Variants in PARD6G observed in about 807,000 individuals in gnomAD.
PARD6G encodes partitioning defective 6 homolog gamma.
Under a neutral mutation model 10.7 loss-of-function variants are expected in PARD6G, and 7 were observed. The ratio of observed to expected loss-of-function variants is 0.66; its 90% confidence interval spans 0.37 to 1.23. The LOEUF (loss-of-function observed/expected upper bound fraction) is 1.23, where lower values mean the gene tolerates loss of function less well. PARD6G is among the 50% of genes most tolerant of loss of function. The pLI is 0.02. For missense variants in PARD6G, 548 were observed against 571.8 expected (o/e 0.96, Z 0.42); for synonymous variants, 287 against 269.4 (o/e 1.07, Z -0.64).
Position 80,182,323 on chromosome 18 carries a change from C to T in PARD6G, c.295+20387G>A, listed in dbSNP as rs1265782050. Among the ~76,000 whole-genome samples the T allele has an allele frequency of 6.6e-6, 1 of 152,224 alleles. No individual in the cohort carries two copies. The highest frequency in any genetic ancestry group is 1.5e-5 in the Non-Finnish European group (1 of 68,042). On this transcript the variant is annotated intron_variant, in intron 2 of 2. Transcript: ENST00000353265. The surrounding 1 kb of genome is among the most constrained non-coding windows in gnomAD (Gnocchi z 4.5). ...CTGTGTGCCTGAAGGCAGCTCCTGCCCCCAGTATCCACAAGGAGGGACAAA... is the reference window on the plus strand; with the variant it reads ...CTGTGTGCCTGAAGGCAGCTCCTGCTCCCAGTATCCACAAGGAGGGACAAA...
At chr18:80,240,769 C>T (rs1967480859) in intron 1 of PARD6G, among the ~76,000 whole-genome samples, 1 of 152,122 alleles carries the variant, frequency 6.6e-6, no homozygotes, top group Admixed American at 6.5e-5. Context: ...TGGGCTGCAC[C>T]GGAAACCTCC....
At position 80,203,709 on chromosome 18, in the gene PARD6G, C is replaced by T. The variant is rs114035364; in HGVS notation, c.73-777G>A. ...TCAGAGGCAGGAGAGGACGCAAGGC[C>T]GGATGAAACCTCGGGACTGTTTCCA... is the stretch of plus-strand genomic sequence containing the variant. On this transcript the variant is annotated intron_variant, in intron 1 of 2. Coordinates refer to ENST00000353265, the MANE Select transcript of PARD6G (RefSeq NM_032510.4). Among the ~76,000 whole-genome samples the T allele has an allele frequency of 3.9e-3, 599 of 152,166 alleles. 4 individuals carry two copies. Among genetic ancestry groups the T allele is most frequent in the African/African-American group, 0.013 (550 of 41,520 alleles).
At position 80,192,503 on chromosome 18, in the gene PARD6G, G is replaced by A. The variant is rs926692942; in HGVS notation, c.295+10207C>T. 5.9e-5 allele frequency among the ~76,000 whole-genome samples: 9 copies of A among 151,420 alleles called. No individual in the cohort carries two copies. The highest frequency in any genetic ancestry group is 1.0e-4 in the Non-Finnish European group (7 of 67,776). Reference sequence around the variant, plus strand: ...GCAGGTGCCACGGCGGGAGCCCAGGGGACGGGGGAGAGCAGGTGCCACGGC... The same window carrying A: ...GCAGGTGCCACGGCGGGAGCCCAGGAGACGGGGGAGAGCAGGTGCCACGGC... On this transcript the variant is annotated intron_variant, in intron 2 of 2. Coordinates refer to ENST00000353265, the MANE Select transcript of PARD6G (RefSeq NM_032510.4). This position sits in a 1 kb window ranked among gnomAD's most constrained non-coding sequence, Gnocchi z 4.9.
At chr18:80,213,369 TG>T (rs1265177910) in intron 1 of PARD6G, among the ~76,000 whole-genome samples, 1 of 152,162 alleles carries the variant, frequency 6.6e-6, no homozygotes. Context: ...CATCTGACTC[TG>T]GGGTTCTGTG....
intron 1 of PARD6G, among the ~76,000 whole-genome samples, chr18:80,239,525 C>T (rs941007111): frequency 1.3e-5 from 2 of 152,188 alleles, no homozygotes; most frequent in African/African-American, 2.4e-5. Context: ...TATTCAAAGC[C>T]ATCCTGTTCC....
At position 80,159,640 on chromosome 18, in the gene PARD6G, G is replaced by C; in HGVS notation, c.*131C>G. Reference sequence around the variant, plus strand: ...GGCAATACTTGTGTTTTTATATCCGGAAGTTGAAACAAAGAGCAGCGTTGT... The same window carrying C: ...GGCAATACTTGTGTTTTTATATCCGCAAGTTGAAACAAAGAGCAGCGTTGT... On this transcript the variant is annotated 3_prime_UTR_variant, in exon 3 of 3. Coordinates refer to ENST00000353265, the MANE Select transcript of PARD6G (RefSeq NM_032510.4). 3.2e-6 allele frequency: 4 copies of C among 1,266,200 alleles called. No individual in the cohort carries two copies. The South Asian group carries it at 7.9e-5, about 25-fold the overall frequency. 78.4% of individuals were successfully genotyped at this position (1,266,200 alleles called of 1,614,324 possible).
At position 80,159,789 on chromosome 18, in the gene PARD6G, C is replaced by T. The variant is rs1265984393; in HGVS notation, c.1113G>A (p.Gly371=). The T allele has an allele frequency of 4.9e-6, 7 of 1,442,604 alleles. No homozygotes were observed. The African/African-American group carries it at 1.1e-4, about 22-fold the overall frequency. 89.4% of individuals were successfully genotyped at this position (1,442,604 alleles called of 1,614,324 possible). ...CGGGAGTCTAGAGCGTGACCGCGGGCCCGTGCTCCTCCACGCCGCCTGGCG... is the reference window on the plus strand; with the variant it reads ...CGGGAGTCTAGAGCGTGACCGCGGGTCCGTGCTCCTCCACGCCGCCTGGCG... ...ALPPGGVEEH[G]PAVTL The change falls in exon 3 of 3, where the codon GGG becomes GGA. Residue 371 remains glycine, a synonymous_variant. Transcript: ENST00000353265.
chr18:80,195,313 C>A (rs1966940411), intron 2 of PARD6G, among the ~76,000 whole-genome samples: 1 of 151,906 alleles, frequency 6.6e-6, no homozygotes, highest in African/African-American at 2.4e-5. Context: ...TCCACCGAGG[C>A]CAGGCTGACA....
chr18:80,177,416 T>C (rs1462948330), intron 2 of PARD6G, among the ~76,000 whole-genome samples: 25 of 127,884 alleles, frequency 2.0e-4, no homozygotes, highest in Non-Finnish European at 1.5e-4. Flanking sequence ...TACACACACA[T>C]ACACGCAAAC....
At position 80,198,131 on chromosome 18, in the gene PARD6G, C is replaced by T. The variant is rs913922706; in HGVS notation, c.295+4579G>A. 1.1e-4 allele frequency among the ~76,000 whole-genome samples: 16 copies of T among 152,182 alleles called. 1 individual carries two copies. The highest frequency in any genetic ancestry group is 3.6e-4 in the African/African-American group (15 of 41,438). On this transcript the variant is annotated intron_variant, in intron 2 of 2. Coordinates refer to ENST00000353265, the MANE Select transcript of PARD6G (RefSeq NM_032510.4). ...AAATGCCATGTAGTCGTTGAGAGAACGTCCGGAGAGAACGTCCGGATCATC... is the reference window on the plus strand; with the variant it reads ...AAATGCCATGTAGTCGTTGAGAGAATGTCCGGAGAGAACGTCCGGATCATC...
chr18:80,242,470 C>T (rs1462448197), intron 1 of PARD6G, among the ~76,000 whole-genome samples: 1 of 152,234 alleles, frequency 6.6e-6, no homozygotes, highest in Admixed American at 6.5e-5. Flanking sequence ...GCAGTAAGAT[C>T]TTGGGGACCA....
chr18:80,209,974 C>T (rs1418274007), intron 1 of PARD6G, among the ~76,000 whole-genome samples: 1 of 152,122 alleles, frequency 6.6e-6, no homozygotes, highest in Non-Finnish European at 1.5e-5. Context: ...TCTATTCCCC[C>T]AACTCTAACT....
chr18:80,196,321 A>G (rs1316070148), intron 2 of PARD6G, among the ~76,000 whole-genome samples: 1 of 152,216 alleles, frequency 6.6e-6, no homozygotes, highest in Non-Finnish European at 1.5e-5. Context: ...GCCAAAATGC[A>G]AAAGTCATTG....
At chr18:80,218,065 G>T (rs1256712128) in intron 1 of PARD6G, among the ~76,000 whole-genome samples, 6 of 151,992 alleles carry the variant, frequency 3.9e-5, no homozygotes, top group Admixed American at 3.9e-4. Flanking sequence ...GGGATTATAG[G>T]AACTACAATT....
intron 2 of PARD6G, among the ~76,000 whole-genome samples, chr18:80,194,637 T>C (rs961719436): frequency 6.6e-6 from 1 of 151,984 alleles, no homozygotes; most frequent in Admixed American, 6.6e-5. Context: ...CTCTGGACTT[T>C]GCATATTTCA....
In PARD6G at chr18:80,175,162, T is replaced by C. The variant is rs1052205769; in HGVS notation, c.296-14556A>G. 1.3e-5 allele frequency among the ~76,000 whole-genome samples: 2 copies of C among 152,210 alleles called. No homozygotes were observed. The highest frequency in any genetic ancestry group is 4.8e-5 in the African/African-American group (2 of 41,456). ...GTCTAGTACACACTTCCCCAGACTA[T>C]TTAGTGCAACTAACACATGCTAGAT... On this transcript the variant is annotated intron_variant, in intron 2 of 2. Transcript: ENST00000353265. The surrounding 1 kb of genome is among the most constrained non-coding windows in gnomAD (Gnocchi z 6.7).
rs866987236 is a variant in PARD6G at position 80,224,672 on chromosome 18, C to G, written c.73-21740G>C. On this transcript the variant is annotated intron_variant, in intron 1 of 2. Coordinates refer to ENST00000353265, the MANE Select transcript of PARD6G (RefSeq NM_032510.4). ...ACCAACCTGGCTAACACGGTGAAAC[C>G]CCATCTCTACTAAAAATACAAAAAA... 2.6e-5 allele frequency among the ~76,000 whole-genome samples: 4 copies of G among 152,122 alleles called. 1 individual carries two copies. The highest frequency in any genetic ancestry group is 3.2e-3 in the Middle Eastern group (1 of 316).
chr18:80,213,124 A>C (rs1358686181), intron 1 of PARD6G, among the ~76,000 whole-genome samples: 2 of 152,204 alleles, frequency 1.3e-5, no homozygotes, highest in African/African-American at 4.8e-5. Flanking sequence ...ATCGATGATA[A>C]GTGAGGACTT....
Position 80,200,888 on chromosome 18 carries a change from G to C in PARD6G, c.295+1822C>G, listed in dbSNP as rs982376371. Among the ~76,000 whole-genome samples, 3 of 152,156 alleles carry C rather than the reference G, an allele frequency of 2.0e-5. No homozygotes were observed. The highest frequency in any genetic ancestry group is 4.4e-5 in the Non-Finnish European group (3 of 68,022). On this transcript the variant is annotated intron_variant, in intron 2 of 2. Transcript: ENST00000353265. The surrounding 1 kb of genome is among the most constrained non-coding windows in gnomAD (Gnocchi z 4.4). Reference sequence around the variant, plus strand: ...AAGACGCCTGGGGCCCACCTCCAAAGGGCACAGTGCCTTCTGCTGGCCTTC... The same window carrying C: ...AAGACGCCTGGGGCCCACCTCCAAACGGCACAGTGCCTTCTGCTGGCCTTC...
Sources: gnomAD v4.1 joint callset for allele counts (sites outside exome capture counted in the v4.1 genomes callset) on GRCh38, gnomAD v4.1.1 for gene constraint, Gnocchi (gnomAD v3.1) non-coding constraint, MANE v1.5 for transcripts, NCBI Gene and HGNC (gene_info 2026-07-23, HGNC 2026-07-21) for gene names.